C8orf34: variants seen among roughly 807,000 people sequenced by gnomAD.
C8orf34 encodes the protein uncharacterized protein C8orf34.
C8orf34 carries 65 observed loss-of-function variants against 68.3 expected under a neutral mutation model. The observed-to-expected ratio is 0.95, with a 90% CI of 0.78 to 1.17. The LOEUF is 1.17. Ranked by LOEUF, C8orf34 falls within the 50% of genes most tolerant of loss-of-function variation. The probability of loss-of-function intolerance (pLI) is 0.00; values close to 1 mark genes in which losing one functional copy is unlikely to be tolerated. For synonymous variants in C8orf34, 244 were observed against 241.2 expected (o/e 1.01, Z -0.11); for missense variants, 664 against 655.4 (o/e 1.01, Z -0.14).
At chr8:68,786,055 T>C (rs1823835769) in intron 11 of C8orf34, among the ~76,000 whole-genome samples, 1 of 152,186 alleles carries the variant, frequency 6.6e-6, no homozygotes, top group African/African-American at 2.4e-5. Context: ...TTGTTAGTAT[T>C]TGTCTGAATA....
intron 7 of C8orf34, among the ~76,000 whole-genome samples, chr8:68,617,861 A>G (rs1340538550): frequency 6.6e-6 from 1 of 152,148 alleles, no homozygotes; most frequent in Non-Finnish European, 1.5e-5. Flanking sequence ...GTTCTCCTGG[A>G]TAATATCCTG....
chr8:68,744,730 T>A (rs902606928), intron 10 of C8orf34, among the ~76,000 whole-genome samples: 9 of 152,180 alleles, frequency 5.9e-5, no homozygotes, highest in African/African-American at 2.2e-4. Flanking sequence ...AATATGGGAC[T>A]ATGTGAAAAG....
At chr8:68,640,030 A>C (rs1818957948) in intron 7 of C8orf34, among the ~76,000 whole-genome samples, 1 of 152,184 alleles carries the variant, frequency 6.6e-6, no homozygotes, top group Non-Finnish European at 1.5e-5. Context: ...TCATTGACCA[A>C]GTCCTGACCA....
chr8:68,474,674 T>C (rs1264536111), intron 4 of C8orf34, among the ~76,000 whole-genome samples: 10 of 152,218 alleles, frequency 6.6e-5, no homozygotes, highest in Admixed American at 5.9e-4. Context: ...TTTCATGTGA[T>C]GTTCTGGGAA....
At chr8:68,685,578 G>C (rs1182304626) in intron 8 of C8orf34, among the ~76,000 whole-genome samples, 1 of 152,090 alleles carries the variant, frequency 6.6e-6, no homozygotes, top group East Asian at 1.9e-4. Context: ...TCCAGGGTTT[G>C]GATGTGGTGG....
rs145793632 is a variant in C8orf34, at chr8:68,338,628, T to G, written c.327+7289T>G. 1.4e-3 allele frequency among the ~76,000 whole-genome samples: 218 copies of G among 152,354 alleles called. 2 individuals are homozygous for G. Among genetic ancestry groups the G allele is most frequent in the Middle Eastern group, 0.01 (3 of 294 alleles). ...TTAATAATTATTAACCTAATTATTT[T>G]AATATTCATCCATGTTGCAGCATGT... On this transcript the variant is annotated intron_variant, in intron 1 of 13. Transcript: ENST00000518698.
In C8orf34 at chr8:68,818,864, A is replaced by G. The variant is rs1279614154; in HGVS notation, c.*618A>G. 2.0e-5 allele frequency: 3 copies of G among 152,202 alleles called. No individual in the cohort carries two copies. Among genetic ancestry groups the G allele is most frequent in the Non-Finnish European group, 4.4e-5 (3 of 68,024 alleles). 9.4% of individuals were successfully genotyped at this position (152,202 alleles called of 1,614,324 possible). The stretch of plus-strand genomic sequence containing the variant: ...AGCAAATCAATAAGGAATGAAATGC[A>G]TGGCCCAAAACATAGAAAATGAAAA... On this transcript the variant is annotated 3_prime_UTR_variant, in exon 14 of 14. Coordinates refer to ENST00000518698, the MANE Select transcript of C8orf34 (RefSeq NM_052958.4).
At chr8:68,718,546 T>C (rs1821542328) in intron 9 of C8orf34, among the ~76,000 whole-genome samples, 2 of 152,340 alleles carry the variant, frequency 1.3e-5, no homozygotes, top group African/African-American at 4.8e-5. Context: ...TACATTCTTT[T>C]CTACTTAAAT....
chr8:68,533,548 T>A, intron 7 of C8orf34: 1 of 986,582 alleles, frequency 1.0e-6, no homozygotes, highest in Non-Finnish European at 1.2e-6. Context: ...TGTCTACCTT[T>A]TATTTTGAGG....
chr8:68,569,958 A>G lies in C8orf34; in HGVS notation c.1105+36809A>G, dbSNP rs74701735. 8.2e-3 allele frequency among the ~76,000 whole-genome samples: 1,245 copies of G among 152,338 alleles called. 21 individuals carry two copies. The highest frequency in any genetic ancestry group is 0.028 in the African/African-American group (1,173 of 41,576). On this transcript the variant is annotated intron_variant, in intron 7 of 13. Transcript: ENST00000518698. ...AAGTGATCGATGAAGTCCCAGCACC[A>G]AAGTCTCTCTTCAGGCTGCTCTTTG...
intron 7 of C8orf34, among the ~76,000 whole-genome samples, chr8:68,577,509 C>T (rs192615922): frequency 1.3e-5 from 2 of 151,762 alleles, no homozygotes; most frequent in African/African-American, 4.8e-5. Context: ...TTACATGTTA[C>T]AGTAGGATAT....
intron 10 of C8orf34, among the ~76,000 whole-genome samples, chr8:68,756,065 T>C (rs1302814922): frequency 7.1e-6 from 1 of 140,372 alleles, no homozygotes; most frequent in Non-Finnish European, 1.5e-5. Context: ...AGACTCTATC[T>C]AAAAAAAACA....
intron 12 of C8orf34, among the ~76,000 whole-genome samples, chr8:68,811,168 A>G (rs1226946747): frequency 1.3e-5 from 2 of 152,088 alleles, no homozygotes; most frequent in Non-Finnish European, 2.9e-5. Context: ...GGTGCTCAAA[A>G]TCTGGAGGGG....
intron 6 of C8orf34, among the ~76,000 whole-genome samples, chr8:68,526,960 G>A (rs1346456284): frequency 1.3e-5 from 2 of 152,148 alleles, no homozygotes; most frequent in Admixed American, 6.5e-5. Flanking sequence ...AGGCCCACAG[G>A]GGAGGTTCTG....
intron 3 of C8orf34, among the ~76,000 whole-genome samples, chr8:68,463,179 T>A (rs1811930078): frequency 6.6e-6 from 1 of 150,628 alleles, no homozygotes; most frequent in Admixed American, 6.6e-5. Flanking sequence ...GCAAATAAAC[T>A]AGAAAATCTA....
intron 1 of C8orf34, among the ~76,000 whole-genome samples, chr8:68,425,383 C>G (rs1810165343): frequency 6.6e-6 from 1 of 152,040 alleles, no homozygotes; most frequent in South Asian, 2.1e-4. Context: ...CAGAGATGAT[C>G]CCAACAAACT....
At chr8:68,362,051 CTG>C (rs890466890) in intron 1 of C8orf34, among the ~76,000 whole-genome samples, 30 of 152,148 alleles carry the variant, frequency 2.0e-4, no homozygotes, top group African/African-American at 6.5e-4. Context: ...CCCAAGTTAT[CTG>C]TGTAGTTGCA....
At chr8:68,422,746 C>T (rs1447180002) in intron 1 of C8orf34, among the ~76,000 whole-genome samples, 1 of 152,232 alleles carries the variant, frequency 6.6e-6, no homozygotes, top group Non-Finnish European at 1.5e-5. Flanking sequence ...AGCAGAGGTT[C>T]TCCATGAGGC....
chr8:68,510,442 G>T, intron 5 of C8orf34, among the ~76,000 whole-genome samples: 1 of 152,122 alleles, frequency 6.6e-6, no homozygotes, highest in East Asian at 1.9e-4. Context: ...ATTAACCCAG[G>T]TTTTTACATT....
Sources: allele counts gnomAD v4.1 joint callset (sites outside exome capture counted in the v4.1 genomes callset), GRCh38; gene constraint gnomAD v4.1.1; transcripts MANE v1.5; gene names NCBI Gene and HGNC (gene_info 2026-07-23, HGNC 2026-07-21).